The following DPYD variants were observed in gnomAD, a reference collection of about 807,000 sequenced individuals.
The protein encoded by DPYD is dihydropyrimidine dehydrogenase [NADP(+)].
In DPYD, 109 loss-of-function variants were observed where a neutral mutation model predicts 116.2. The ratio of observed to expected loss-of-function variants is 0.94; its 90% CI spans 0.80 to 1.10. The LOEUF (loss-of-function observed/expected upper bound fraction) is 1.10, where lower values mean the gene tolerates loss of function less well. Among genes scored for constraint, DPYD ranks in the 50% least tolerant of loss-of-function variants. The probability of loss-of-function intolerance (pLI) is 0.00; values close to 1 mark genes in which losing one functional copy is unlikely to be tolerated. For synonymous variants in DPYD, 440 were observed against 432.0 expected, an observed-to-expected ratio of 1.02 and a Z score of -0.23; for missense variants, 1,302 against 1,254.5, an observed-to-expected ratio of 1.04 and a Z score of -0.57.
chr1:97,655,171 C>T (rs1658833754), intron 8 of DPYD, among the ~76,000 whole-genome samples: 1 of 152,138 alleles, frequency 6.6e-6, no homozygotes, highest in African/African-American at 2.4e-5. Flanking sequence ...TGAATATACA[C>T]AAGCATACTT....
intron 3 of DPYD, among the ~76,000 whole-genome samples, chr1:97,822,253 C>T: frequency 6.7e-6 from 1 of 149,338 alleles, no homozygotes; most frequent in African/African-American, 2.4e-5. Context: ...TATATACACA[C>T]ACACAGATTT....
At chr1:97,403,471 T>C (rs1286841171) in intron 14 of DPYD, among the ~76,000 whole-genome samples, 1 of 152,080 alleles carries the variant, frequency 6.6e-6, no homozygotes, top group Non-Finnish European at 1.5e-5. Flanking sequence ...TGGAAGGTTG[T>C]TAATTATTGA....
chr1:97,643,125 A>G (rs149462546), intron 8 of DPYD, among the ~76,000 whole-genome samples: 3 of 152,248 alleles, frequency 2.0e-5, no homozygotes, highest in African/African-American at 7.2e-5. Flanking sequence ...ACAGCAAAAG[A>G]AACTATCACC....
At chr1:97,420,332 C>T (rs1674514280) in intron 14 of DPYD, among the ~76,000 whole-genome samples, 1 of 152,132 alleles carries the variant, frequency 6.6e-6, no homozygotes. Context: ...ATGGAGAACA[C>T]TTCGTAATTT....
At chr1:97,794,789 G>C (rs551863937) in intron 3 of DPYD, among the ~76,000 whole-genome samples, 1 of 152,030 alleles carries the variant, frequency 6.6e-6, no homozygotes, top group Non-Finnish European at 1.5e-5. Context: ...CTTATTTCAG[G>C]GCAGGGTACA....
At chr1:97,500,430 T>A (rs553318506) in intron 13 of DPYD, among the ~76,000 whole-genome samples, 93 of 151,802 alleles carry the variant, frequency 6.1e-4, no homozygotes, top group Non-Finnish European at 1.1e-3. Context: ...GATATATAAA[T>A]TAATAATTAA....
At position 97,265,138 on chromosome 1, in the gene DPYD, CTTG is replaced by C. The variant is rs536769720; in HGVS notation, c.2300-30147_2300-30145del. ...TTATCAGACTCCTGCCTCACTGATA[CTTG>C]TTGTTTCTTAAATTCCCAAGCTCAT... is the stretch of plus-strand genomic sequence containing the variant. On this transcript the variant is annotated intron_variant, in intron 18 of 22. Transcript: ENST00000370192. 6.4e-4 allele frequency among the ~76,000 whole-genome samples: 97 copies of C among 152,206 alleles called. No individual in the cohort carries two copies. In the Middle Eastern group the frequency reaches 0.01, roughly 16 times the overall value.
chr1:97,679,057 A>G, intron 8 of DPYD, 38 bp downstream of exon 8: 1 of 1,007,668 alleles, frequency 9.9e-7, no homozygotes, highest in Non-Finnish European at 1.4e-6. Flanking sequence ...ATAAAAAAAT[A>G]CATTATAAAT....
intron 14 of DPYD, among the ~76,000 whole-genome samples, chr1:97,409,600 T>C (rs1673862301): frequency 6.6e-6 from 1 of 152,234 alleles, no homozygotes; most frequent in Admixed American, 6.5e-5. Context: ...TTTCCAACTA[T>C]GTCTATCCTA....
intron 6 of DPYD, among the ~76,000 whole-genome samples, chr1:97,694,590 T>C (rs1236253192): frequency 6.6e-6 from 1 of 152,166 alleles, no homozygotes; most frequent in Non-Finnish European, 1.5e-5. Context: ...AAGCTTTGGT[T>C]CTTGCATCCC....
intron 8 of DPYD, among the ~76,000 whole-genome samples, chr1:97,626,353 C>T (rs1284909987): frequency 1.3e-5 from 2 of 151,814 alleles, no homozygotes; most frequent in Admixed American, 1.3e-4. Context: ...TATTCAGTTA[C>T]TTCAACTATT....
intron 2 of DPYD, among the ~76,000 whole-genome samples, chr1:97,829,741 T>A (rs1669432170): frequency 6.6e-6 from 1 of 152,122 alleles, no homozygotes; most frequent in South Asian, 2.1e-4. Flanking sequence ...CCTACTGCAA[T>A]CTTTTTTTTA....
At chr1:97,734,782 G>T (rs1391773236) in intron 4 of DPYD, among the ~76,000 whole-genome samples, 2 of 152,046 alleles carry the variant, frequency 1.3e-5, no homozygotes, top group African/African-American at 4.8e-5. Flanking sequence ...GTAAACAAAG[G>T]CTTCTGTTTT....
intron 13 of DPYD, among the ~76,000 whole-genome samples, chr1:97,508,910 C>T (rs766519315): frequency 6.6e-6 from 1 of 151,934 alleles, no homozygotes; most frequent in Non-Finnish European, 1.5e-5. Context: ...TGCAACTTCT[C>T]CTCCTGCCTT....
At chr1:97,439,229 A>G (rs113032077) in intron 14 of DPYD, among the ~76,000 whole-genome samples, 15 of 152,142 alleles carry the variant, frequency 9.9e-5, no homozygotes, top group African/African-American at 3.6e-4. Context: ...TCCTATCTGG[A>G]GTTCCTTGTA....
chr1:97,612,651 T>C (rs1411667404), intron 8 of DPYD, among the ~76,000 whole-genome samples: 3 of 152,134 alleles, frequency 2.0e-5, no homozygotes, highest in Admixed American at 6.6e-5. Flanking sequence ...ACATATATCA[T>C]TTATTAAGCA....
chr1:97,420,020 T>C (rs1000041044), intron 14 of DPYD: 5 of 152,180 alleles, frequency 3.3e-5, no homozygotes, highest in African/African-American at 1.2e-4. Flanking sequence ...GATATAGCCT[T>C]GTGCAGGAAA....
chr1:97,706,007 GATTAC>G (rs1661927836), intron 5 of DPYD, among the ~76,000 whole-genome samples: 1 of 151,180 alleles, frequency 6.6e-6, no homozygotes, highest in Non-Finnish European at 1.5e-5. Flanking sequence ...GTTTTTTAAC[GATTAC>G]ATTTTCACAG....
At chr1:97,173,492 G>A (rs867899635) in intron 20 of DPYD, among the ~76,000 whole-genome samples, 7 of 148,252 alleles carry the variant, frequency 4.7e-5, no homozygotes, top group Non-Finnish European at 8.9e-5. Flanking sequence ...ATATATACAC[G>A]CATATATAAA....
Sources: gnomAD v4.1 joint callset for allele counts (sites outside exome capture counted in the v4.1 genomes callset) on GRCh38, gnomAD v4.1.1 for gene constraint, MANE v1.5 for transcripts, NCBI Gene and HGNC (gene_info 2026-07-23, HGNC 2026-07-21) for gene names.